The following PDE1C variants were observed in gnomAD, a reference collection of about 807,000 sequenced individuals.
PDE1C encodes phosphodiesterase 1C.
PDE1C carries 62 observed loss-of-function variants against 93.1 expected under a neutral mutation model. That is an observed-to-expected ratio of 0.67 (90% confidence interval 0.54 to 0.82). The LOEUF (loss-of-function observed/expected upper bound fraction) is 0.82, where lower values mean the gene tolerates loss of function less well. PDE1C is among the 40% of genes least tolerant of loss of function. PDE1C has a pLI of 0.00. For synonymous variants in PDE1C, 325 were observed against 310.1 expected (o/e 1.05, Z -0.50); for missense variants, 742 against 884.6 (o/e 0.84, Z 2.04).
chr7:32,403,672 C>G (rs1010684976), intron 1 of PDE1C, among the ~76,000 whole-genome samples: 5 of 152,196 alleles, frequency 3.3e-5, no homozygotes, highest in Non-Finnish European at 5.9e-5. Context: ...TAAAACTACT[C>G]TATGATTCAA....
At chr7:32,259,420 C>A (rs116354369) in intron 1 of PDE1C, among the ~76,000 whole-genome samples, 3,336 of 152,212 alleles carry the variant, frequency 0.022, 125 homozygotes, top group African/African-American at 0.075. Flanking sequence ...CTCAGGGCCC[C>A]GGCAAGTCTC....
intron 1 of PDE1C, among the ~76,000 whole-genome samples, chr7:32,216,419 C>T (rs1213523982): frequency 1.3e-5 from 2 of 152,170 alleles, no homozygotes; most frequent in South Asian, 2.1e-4. Flanking sequence ...AGCATAGATT[C>T]TCTGCCAATG....
chr7:31,756,361 T>C (rs527622018), intron 17 of PDE1C, among the ~76,000 whole-genome samples: 1 of 152,204 alleles, frequency 6.6e-6, no homozygotes, highest in East Asian at 1.9e-4. Flanking sequence ...ATGAAGAATA[T>C]CAAATAAATT....
At chr7:31,641,090 G>C in the PDE1C span, among the ~76,000 whole-genome samples, 5 of 152,134 alleles carry the variant, frequency 3.3e-5, no homozygotes, top group Non-Finnish European at 7.4e-5. Context: ...GGACCGTTAA[G>C]GCTCTCAGGC....
chr7:32,331,884 C>T (rs1312515428), intron 1 of PDE1C, among the ~76,000 whole-genome samples: 3 of 152,152 alleles, frequency 2.0e-5, no homozygotes, highest in East Asian at 1.9e-4. Context: ...TAGGGCCAGT[C>T]CTATCCCTTG....
chr7:31,728,806 C>A, the PDE1C span, among the ~76,000 whole-genome samples: 8 of 152,246 alleles, frequency 5.3e-5, no homozygotes, highest in Admixed American at 4.6e-4. Context: ...ACAGAGGTGA[C>A]ATTTGAGCTT....
intron 2 of PDE1C, among the ~76,000 whole-genome samples, chr7:31,965,138 C>T (rs1340932691): frequency 1.3e-5 from 2 of 152,056 alleles, no homozygotes; most frequent in African/African-American, 4.8e-5. Flanking sequence ...GAGAAGAAGG[C>T]TTCAGAAGAT....
chr7:31,663,204 T>C, the PDE1C span, among the ~76,000 whole-genome samples: 4 of 152,166 alleles, frequency 2.6e-5, no homozygotes, highest in Non-Finnish European at 5.9e-5. Context: ...CCCTGCATTG[T>C]CATGAACTTC....
intron 1 of PDE1C, among the ~76,000 whole-genome samples, chr7:32,294,309 A>G (rs215601): frequency 1.3e-5 from 2 of 152,036 alleles, no homozygotes; most frequent in African/African-American, 4.8e-5. Flanking sequence ...CTCTGTTAGC[A>G]ACACCTCTTC....
At chr7:31,871,161 A>G (rs1283532433) in intron 6 of PDE1C, among the ~76,000 whole-genome samples, 1 of 151,974 alleles carries the variant, frequency 6.6e-6, no homozygotes, top group East Asian at 1.9e-4. Flanking sequence ...CTCTGGGAAA[A>G]TTGAATATCC....
chr7:31,719,300 T>G, the PDE1C span, among the ~76,000 whole-genome samples: 1 of 152,206 alleles, frequency 6.6e-6, no homozygotes, highest in African/African-American at 2.4e-5. Context: ...AGACTTCAGC[T>G]TCATTAACTT....
chr7:32,104,175 G>C (rs142199616), intron 3 of PDE1C, among the ~76,000 whole-genome samples: 1 of 152,196 alleles, frequency 6.6e-6, no homozygotes, highest in Non-Finnish European at 1.5e-5. Flanking sequence ...ATATTAAAAG[G>C]GTCCTCACAC....
At chr7:32,270,489 A>C (rs7806417) in intron 1 of PDE1C, among the ~76,000 whole-genome samples, 39,512 of 152,064 alleles carry the variant, frequency 0.26, 5,412 homozygotes, top group East Asian at 0.45. Flanking sequence ...TGACCACTCC[A>C]CCCATCAAGG....
intron 2 of PDE1C, among the ~76,000 whole-genome samples, chr7:32,006,379 C>T (rs1198729696): frequency 6.6e-6 from 1 of 152,134 alleles, no homozygotes; most frequent in Non-Finnish European, 1.5e-5. Flanking sequence ...AATCCTCCCC[C>T]ACACTATACA....
At chr7:32,302,994 T>G (rs1394539858), upstream of PDE1C, among the ~76,000 whole-genome samples, 2 of 152,198 alleles carry the variant, frequency 1.3e-5, no homozygotes, top group Non-Finnish European at 2.9e-5. Context: ...ATATAATCAT[T>G]GGCTGCAGGC....
At chr7:32,322,889 G>A (rs1783328001) in intron 1 of PDE1C, among the ~76,000 whole-genome samples, 2 of 152,086 alleles carry the variant, frequency 1.3e-5, no homozygotes, top group African/African-American at 4.8e-5. Flanking sequence ...TGGGATTACA[G>A]GCGTGAGCCA....
intron 2 of PDE1C, among the ~76,000 whole-genome samples, chr7:31,984,563 G>A (rs1783119281): frequency 6.6e-6 from 1 of 152,050 alleles, no homozygotes; most frequent in South Asian, 2.1e-4. Context: ...GAAGGGCCAT[G>A]GTCCCCTTTT....
chr7:31,690,112 T>G, the PDE1C span, among the ~76,000 whole-genome samples: 8 of 152,352 alleles, frequency 5.3e-5, 1 homozygote, highest in African/African-American at 1.9e-4. Flanking sequence ...TCTAGACTGG[T>G]GCTGCCATAG....
rs59208160 is a variant in PDE1C at position 32,145,344 on chromosome 7, T to G, written c.308+24441A>C. On this transcript the variant is annotated intron_variant, in intron 3 of 18. Coordinates refer to the PDE1C transcript ENST00000396193. ...ATAAAGGACAACAACAGAGTAATGA[T>G]GCTTCAGGTTTAGCTGACACGTTCC... Among the ~76,000 whole-genome samples, 801 of 152,292 alleles carry G rather than the reference T, an allele frequency of 5.3e-3. 9 individuals are homozygous for G. Among genetic ancestry groups the G allele is most frequent in the African/African-American group, 0.018 (765 of 41,568 alleles).
Sources: gnomAD v4.1 joint callset for allele counts (sites outside exome capture counted in the v4.1 genomes callset) on GRCh38, gnomAD v4.1.1 for gene constraint, MANE v1.5 for transcripts, NCBI Gene and HGNC (gene_info 2026-07-23, HGNC 2026-07-21) for gene names.